NCALD: variants seen among roughly 807,000 people sequenced by gnomAD.
NCALD encodes the protein neurocalcin-delta.
In NCALD, 10 loss-of-function variants were observed where a neutral mutation model predicts 18.6. The ratio of observed to expected loss-of-function variants is 0.54; its 90% CI spans 0.33 to 0.91. The LOEUF is 0.91. NCALD is among the 40% of genes least tolerant of loss of function. NCALD has a pLI of 0.03. For synonymous variants in NCALD, 88 were observed against 87.4 expected (o/e 1.01, Z -0.04); for missense variants, 184 against 247.6 (o/e 0.74, Z 1.72).
chr8:101,814,373 G>T (rs142925772), intron 4 of NCALD, among the ~76,000 whole-genome samples: 3 of 151,938 alleles, frequency 2.0e-5, no homozygotes, highest in African/African-American at 7.2e-5. Flanking sequence ...GCATCAACAG[G>T]CTAAAAAAGA....
intron 4 of NCALD, among the ~76,000 whole-genome samples, chr8:101,819,875 G>A (rs989336004): frequency 8.5e-5 from 13 of 152,138 alleles, no homozygotes; most frequent in African/African-American, 2.2e-4. Flanking sequence ...ATGAGCTGGC[G>A]GACATTCCAG....
intron 1 of NCALD, among the ~76,000 whole-genome samples, chr8:102,071,477 G>A (rs919616317): frequency 7.9e-5 from 12 of 152,108 alleles, no homozygotes; most frequent in African/African-American, 1.9e-4. Context: ...CTTACAGTCC[G>A]AAGGGGAGAA....
At chr8:101,762,352 G>A (rs4734593) in intron 1 of NCALD, among the ~76,000 whole-genome samples, 113,348 of 152,052 alleles carry the variant, frequency 0.75, 42,377 homozygotes, top group East Asian at 0.84. Flanking sequence ...AGGGTTAACT[G>A]TAAGTTCCTT....
intron 1 of NCALD, among the ~76,000 whole-genome samples, chr8:102,070,466 C>CA (rs1396285083): frequency 1.3e-5 from 2 of 152,038 alleles, no homozygotes; most frequent in African/African-American, 4.8e-5. Flanking sequence ...TATTCAACAG[C>CA]AAAAACATAA....
At chr8:101,791,134 G>C (rs987068260), upstream of NCALD, among the ~76,000 whole-genome samples, 5 of 152,208 alleles carry the variant, frequency 3.3e-5, no homozygotes, top group Admixed American at 1.3e-4. Context: ...GTGTGAGAGA[G>C]AGAGTATGTG....
intron 1 of NCALD, among the ~76,000 whole-genome samples, chr8:102,062,201 G>A (rs1823870180): frequency 6.6e-6 from 1 of 152,216 alleles, no homozygotes; most frequent in South Asian, 2.1e-4. Context: ...GCCAGGAGAG[G>A]CTGAGAGGAG....
chr8:101,850,145 A>G (rs980072413), intron 4 of NCALD, among the ~76,000 whole-genome samples: 1 of 152,184 alleles, frequency 6.6e-6, no homozygotes, highest in African/African-American at 2.4e-5. Context: ...GGCCTCTGAA[A>G]GAGCCAAAGG....
At position 102,007,555 on chromosome 8, in the gene NCALD, A is replaced by T. The variant is rs143968677; in HGVS notation, c.-157+12682T>A. Among the ~76,000 whole-genome samples the T allele has an allele frequency of 4.2e-3, 644 of 152,344 alleles. 7 individuals are homozygous for T. The highest frequency in any genetic ancestry group is 0.014 in the African/African-American group (600 of 41,580). ...TTTGCTGACGCTAAACTACAGCATG[A>T]TTACTTGACTATTTAAAGAAAAATG... On this transcript the variant is annotated intron_variant, in intron 2 of 6. Coordinates refer to the NCALD transcript ENST00000311028.
intron 1 of NCALD, among the ~76,000 whole-genome samples, chr8:101,757,188 T>A (rs1184388486): frequency 6.6e-6 from 1 of 152,196 alleles, no homozygotes; most frequent in Non-Finnish European, 1.5e-5. Flanking sequence ...CAACCTCTCA[T>A]CAAATAACCT....
intron 1 of NCALD, among the ~76,000 whole-genome samples, chr8:102,063,695 G>T (rs1587003792): frequency 6.6e-6 from 1 of 152,174 alleles, no homozygotes; most frequent in African/African-American, 2.4e-5. Context: ...AGACCAGAAA[G>T]ATTAGGAAGA....
intron 2 of NCALD, among the ~76,000 whole-genome samples, chr8:102,007,216 A>G (rs1036938541): frequency 1.4e-4 from 21 of 152,212 alleles, no homozygotes; most frequent in Admixed American, 9.2e-4. Context: ...TTACTATACC[A>G]ATGTTTATTT....
chr8:101,792,689 G>A (rs1042964670), upstream of NCALD, among the ~76,000 whole-genome samples: 4 of 152,124 alleles, frequency 2.6e-5, no homozygotes, highest in Non-Finnish European at 4.4e-5. Flanking sequence ...TGAGGGAACC[G>A]GAAGAGGCAG....
chr8:101,867,678 T>C (rs879317215), intron 4 of NCALD, among the ~76,000 whole-genome samples: 2 of 152,236 alleles, frequency 1.3e-5, no homozygotes, highest in African/African-American at 4.8e-5. Flanking sequence ...ATTGAAGGCA[T>C]TGCCATATCG....
chr8:101,831,093 A>C (rs1303355448), intron 4 of NCALD, among the ~76,000 whole-genome samples: 4 of 152,122 alleles, frequency 2.6e-5, no homozygotes, highest in Admixed American at 2.0e-4. Context: ...TGGCAGCCTC[A>C]ATCCATATTT....
intron 2 of NCALD, among the ~76,000 whole-genome samples, chr8:102,006,294 T>C (rs1821709158): frequency 6.6e-6 from 1 of 152,142 alleles, no homozygotes; most frequent in Non-Finnish European, 1.5e-5. Flanking sequence ...CTAAACGTAA[T>C]GTTTTCATTG....
intron 1 of NCALD, among the ~76,000 whole-genome samples, chr8:102,109,535 T>C (rs1202004558): frequency 2.0e-5 from 3 of 152,212 alleles, no homozygotes. Flanking sequence ...ATCAGTGGAA[T>C]AAATTTCAGG....
intron 2 of NCALD, among the ~76,000 whole-genome samples, chr8:102,002,732 A>G (rs143909541): frequency 0.023 from 3,551 of 152,296 alleles, 61 homozygotes; most frequent in Middle Eastern, 0.041. Context: ...CGCATTCAAA[A>G]CCGCTCAACT....
chr8:101,962,407 TA>T (rs1819868414), intron 2 of NCALD, among the ~76,000 whole-genome samples: 1 of 152,226 alleles, frequency 6.6e-6, no homozygotes, highest in Non-Finnish European at 1.5e-5. Context: ...CTTGATTTGC[TA>T]AAGCCATTCA....
chr8:101,725,051 T>C (rs1258712502), intron 1 of NCALD, among the ~76,000 whole-genome samples: 1 of 152,180 alleles, frequency 6.6e-6, no homozygotes, highest in Admixed American at 6.5e-5. Flanking sequence ...CCTGTTTTCA[T>C]GGTGATGTGG....
Sources: allele counts gnomAD v4.1 joint callset (sites outside exome capture counted in the v4.1 genomes callset), GRCh38; gene constraint gnomAD v4.1.1; transcripts MANE v1.5; gene names NCBI Gene and HGNC (gene_info 2026-07-23, HGNC 2026-07-21).